The following NFATC1 variants were observed in gnomAD, a reference collection of about 807,000 sequenced individuals.
The protein encoded by NFATC1 is nuclear factor of activated T-cells, cytoplasmic 1.
In NFATC1, 22 loss-of-function variants were observed where a neutral mutation model predicts 76.0. The observed-to-expected ratio is 0.29, with a 90% confidence interval of 0.21 to 0.41. NFATC1 has a LOEUF of 0.41. Ranked by LOEUF, NFATC1 falls within the 10% of genes least tolerant of loss-of-function variation. The pLI is 1.00. For synonymous variants in NFATC1, 704 were observed against 613.1 expected, an observed-to-expected ratio of 1.15 and a Z score of -2.19; for missense variants, 1,357 against 1,337.7, an observed-to-expected ratio of 1.01 and a Z score of -0.23.
intron 9 of NFATC1, among the ~76,000 whole-genome samples, chr18:79,487,213 G>T (rs1277990160): frequency 1.3e-5 from 2 of 152,244 alleles, no homozygotes; most frequent in Non-Finnish European, 2.9e-5. Flanking sequence ...CTGTCCCGGG[G>T]TCTAAGGCTC....
intron 8 of NFATC1, among the ~76,000 whole-genome samples, chr18:79,484,106 G>A (rs973695274): frequency 4.0e-5 from 6 of 151,058 alleles, no homozygotes; most frequent in Non-Finnish European, 7.4e-5. Context: ...TGCAGGGTGG[G>A]GTGGCTGACG....
chr18:79,425,945 C>G (rs1357607545), intron 2 of NFATC1, among the ~76,000 whole-genome samples: 3 of 152,218 alleles, frequency 2.0e-5, no homozygotes, highest in Non-Finnish European at 4.4e-5. Flanking sequence ...AGCGTGGCAG[C>G]TCACACCTGG....
At chr18:79,510,507 C>T (rs982688291) in intron 9 of NFATC1, among the ~76,000 whole-genome samples, 1 of 152,122 alleles carries the variant, frequency 6.6e-6, no homozygotes. Flanking sequence ...AGGGCTCTTG[C>T]GTTTGGATTT....
rs1568944331 is a variant in NFATC1, at chr18:79,425,065, GTTTCTC to G, written c.1227-8512_1227-8507del. On this transcript the variant is annotated intron_variant, in intron 2 of 9. Coordinates refer to ENST00000427363, the MANE Select transcript of NFATC1 (RefSeq NM_001278669.2). The stretch of plus-strand genomic sequence containing the variant: ...TCTCTCCGTCTCTGTTTCTCTCTCT[GTTTCTC>G]TCTCTGTCTCTCCATCTCTGTCTCT... Among the ~76,000 whole-genome samples the G allele has an allele frequency of 1.3e-3, 160 of 125,890 alleles. 1 individual carries two copies. The highest frequency in any genetic ancestry group is 4.6e-3 in the African/African-American group (144 of 31,036). 82.6% of individuals were successfully genotyped at this position (125,890 alleles called of 152,430 possible). A position where few individuals can be genotyped will look rare whatever the true frequency, so the allele number is the denominator to read the frequency against.
intron 9 of NFATC1, chr18:79,493,517 TA>T (rs111281576): frequency 6.6e-6 from 1 of 152,218 alleles, no homozygotes; most frequent in African/African-American, 2.4e-5. Flanking sequence ...CACTTGGGTT[TA>T]AAGTCTCCAT....
chr18:79,518,035 C>T (rs2090426603), intron 9 of NFATC1, among the ~76,000 whole-genome samples: 1 of 152,226 alleles, frequency 6.6e-6, no homozygotes, highest in Non-Finnish European at 1.5e-5. Flanking sequence ...AGCGCTGCCT[C>T]TCCCGGCTCT....
chr18:79,451,019 A>C lies in NFATC1; in HGVS notation c.1655A>C (p.Asp552Ala). The change falls in exon 5 of 10, where the codon GAC (aspartate) becomes GCC (alanine). Residue 552 changes from aspartate (D) to alanine (A), a missense_variant. Physicochemically the swap from Asp to Ala is moderately radical, Grantham distance 126. This residue lies in a region of NFATC1 where 242 missense variants were observed against 329.2 expected (regional missense o/e 0.74). Coordinates refer to ENST00000427363, the MANE Select transcript of NFATC1 (RefSeq NM_001278669.2). ...SDIELRKGETDIGRKNTRVRL... is the reference protein window; with the variant it reads ...SDIELRKGETAIGRKNTRVRL... ...ATTGAACTTCGGAAAGGAGAGACGG[A>C]CATCGGGAGGAAGAACACACGGGTA... The C allele has an allele frequency of 6.2e-7, 1 of 1,613,908 alleles. No homozygotes were observed. Among genetic ancestry groups the C allele is most frequent in the Non-Finnish European group, 8.5e-7 (1 of 1,180,028 alleles).
chr18:79,482,209 G>A (rs531998902), intron 8 of NFATC1, among the ~76,000 whole-genome samples: 60 of 144,510 alleles, frequency 4.2e-4, no homozygotes, highest in African/African-American at 1.3e-3. Flanking sequence ...TTCCTGGGGT[G>A]TAATTCCAGC....
chr18:79,399,814 C>G (rs1040962563), intron 1 of NFATC1, among the ~76,000 whole-genome samples: 1 of 152,164 alleles, frequency 6.6e-6, no homozygotes, highest in Non-Finnish European at 1.5e-5. Flanking sequence ...AATCCCTGCG[C>G]TTCCCGGCAC....
At chr18:79,396,806 C>G (rs1398505816) in intron 1 of NFATC1, among the ~76,000 whole-genome samples, 1 of 151,964 alleles carries the variant, frequency 6.6e-6, no homozygotes, top group Non-Finnish European at 1.5e-5. Flanking sequence ...CGCCCCCCAC[C>G]CCCACCCCGA....
intron 6 of NFATC1, 122 bp from the exon 7 acceptor site, chr18:79,461,189 G>C (rs2088055954): frequency 4.6e-6 from 5 of 1,093,862 alleles, no homozygotes; most frequent in Non-Finnish European, 6.8e-6. Flanking sequence ...GGGCCTACGT[G>C]GGTCTCCTGG....
chr18:79,413,740 C>G (rs578123622), intron 2 of NFATC1, among the ~76,000 whole-genome samples: 1 of 152,316 alleles, frequency 6.6e-6, no homozygotes, highest in East Asian at 1.9e-4. Flanking sequence ...GTCTCCTGGG[C>G]GGCAAGGTGT....
At chr18:79,429,177 C>G (rs1310936606) in intron 2 of NFATC1, among the ~76,000 whole-genome samples, 3 of 147,656 alleles carry the variant, frequency 2.0e-5, no homozygotes, top group African/African-American at 7.6e-5. Context: ...GCCGAGATGG[C>G]TCCACTGCAC....
chr18:79,475,980 C>T lies in NFATC1; in HGVS notation c.2092+8398C>T, dbSNP rs76874999. 4.0e-3 allele frequency among the ~76,000 whole-genome samples: 609 copies of T among 152,276 alleles called. 10 individuals carry two copies. In the East Asian group the frequency reaches 0.069, roughly 17 times the overall value. ...AAGAGCCACAGGGCTCAGCATCCGA[C>T]GGGCGCACCTGGGGCTGGGCGAGTC... On this transcript the variant is annotated intron_variant, in intron 8 of 9. Transcript: ENST00000427363.
At chr18:79,441,055 C>T (rs1254039323) in intron 3 of NFATC1, among the ~76,000 whole-genome samples, 1 of 152,316 alleles carries the variant, frequency 6.6e-6, no homozygotes, top group East Asian at 1.9e-4. Context: ...TTGCTGGGAA[C>T]AGCACAGATG....
At chr18:79,493,705 C>G (rs4426412) in intron 9 of NFATC1, 9,367 of 152,282 alleles carry the variant, frequency 0.062, 415 homozygotes, top group Admixed American at 0.097. Flanking sequence ...GGCCTTCCCC[C>G]CGGCTGAGGA....
At chr18:79,427,525 T>A (rs2086406624) in intron 2 of NFATC1, among the ~76,000 whole-genome samples, 1 of 38,982 alleles carries the variant, frequency 2.6e-5, no homozygotes, top group Admixed American at 3.9e-4. Context: ...GGCTGGCCTC[T>A]GTGCAGTGGG....
chr18:79,457,427 G>A (rs555589317), intron 6 of NFATC1, among the ~76,000 whole-genome samples: 1 of 152,286 alleles, frequency 6.6e-6, no homozygotes, highest in Admixed American at 6.5e-5. Context: ...CACGCGTCAC[G>A]TCAGTCCCCA....
At chr18:79,443,305 A>G (rs1481002255) in intron 3 of NFATC1, among the ~76,000 whole-genome samples, 2 of 152,210 alleles carry the variant, frequency 1.3e-5, no homozygotes, top group Non-Finnish European at 2.9e-5. Flanking sequence ...GCACTGTCAC[A>G]CACACTTGCC....
Sources: allele counts gnomAD v4.1 joint callset (sites outside exome capture counted in the v4.1 genomes callset), GRCh38; gene constraint gnomAD v4.1.1; regional missense constraint gnomAD v4.1.1; transcripts MANE v1.5; gene names NCBI Gene and HGNC (gene_info 2026-07-23, HGNC 2026-07-21).